Variants in GALNT11 observed in about 807,000 individuals in gnomAD.
GALNT11 encodes polypeptide N-acetylgalactosaminyltransferase 11.
In GALNT11, 47 loss-of-function variants were observed where a neutral mutation model predicts 72.7. The observed-to-expected ratio is 0.65, with a 90% CI of 0.51 to 0.82. GALNT11 has a LOEUF of 0.82. Ranked by LOEUF, GALNT11 falls within the 40% of genes least tolerant of loss-of-function variation. The pLI is 0.00. For missense variants in GALNT11, 677 were observed against 778.4 expected, an observed-to-expected ratio of 0.87 and a Z score of 1.55; for synonymous variants, 270 against 286.6, an observed-to-expected ratio of 0.94 and a Z score of 0.58.
intron 1 of GALNT11, among the ~76,000 whole-genome samples, chr7:152,077,936 A>AT (rs1563059309): frequency 6.6e-6 from 1 of 152,078 alleles, no homozygotes; most frequent in Non-Finnish European, 1.5e-5. Context: ...GAAACTTAAT[A>AT]TAAGGGGGCA....
At chr7:152,066,391 G>A (rs1004757752) in intron 1 of GALNT11, among the ~76,000 whole-genome samples, 1 of 152,216 alleles carries the variant, frequency 6.6e-6, no homozygotes, top group Admixed American at 6.5e-5. Context: ...GTTCCCAGAT[G>A]AGGCGATGCC....
rs1336550413 is a variant in GALNT11, at chr7:152,113,315, C to T, written c.1150C>T (p.Arg384Ter). 3 of 1,613,894 alleles carry T rather than the reference C, an allele frequency of 1.9e-6. No homozygotes were observed. The highest frequency in any genetic ancestry group is 1.1e-5 in the South Asian group (1 of 91,058). Reference sequence around the variant, plus strand: ...AGTAGGACACATTTTCCGAAAAAGGCGACCATATGGATCTCCCGAAGGCCA... The same window carrying T: ...AGTAGGACACATTTTCCGAAAAAGGTGACCATATGGATCTCCCGAAGGCCA... The part of the protein sequence containing the change: ...SRVGHIFRKR[R>*]PYGSPEGQDT... The change falls in exon 8 of 12, where the codon CGA (arginine) becomes TGA (stop). Residue 384 changes from arginine (R) to a stop codon, truncating the protein, a stop_gained. Transcript: ENST00000430044. LOFTEE classifies it high-confidence loss of function.
chr7:152,026,399 T>G (rs929648447), intron 1 of GALNT11, among the ~76,000 whole-genome samples: 3 of 152,136 alleles, frequency 2.0e-5, no homozygotes, highest in African/African-American at 7.2e-5. Context: ...GCTGCAAAGA[T>G]AAAAAGCCAC....
chr7:152,045,663 G>A (rs2083083952), intron 1 of GALNT11, among the ~76,000 whole-genome samples: 1 of 151,266 alleles, frequency 6.6e-6, no homozygotes, highest in African/African-American at 2.4e-5. Context: ...TATTGATTTG[G>A]GGCTTCTCTT....
chr7:152,074,572 C>T (rs146851135), intron 1 of GALNT11, among the ~76,000 whole-genome samples: 26 of 152,266 alleles, frequency 1.7e-4, no homozygotes, highest in African/African-American at 3.4e-4. Context: ...GGGAGCATGA[C>T]GCTTCCAGCT....
At chr7:152,115,871 A>ACATGGAG (rs1331657970) in intron 8 of GALNT11, among the ~76,000 whole-genome samples, 1 of 151,610 alleles carries the variant, frequency 6.6e-6, no homozygotes, top group Non-Finnish European at 1.5e-5. Context: ...AGCCTGACCA[A>ACATGGAG]CATGGAGAAA....
At chr7:152,113,904 T>A (rs1004109475) in intron 8 of GALNT11, among the ~76,000 whole-genome samples, 4 of 135,584 alleles carry the variant, frequency 3.0e-5, no homozygotes, top group African/African-American at 1.3e-4. Context: ...GCCTGGATAA[T>A]TTTTTTTAAA....
intron 1 of GALNT11, among the ~76,000 whole-genome samples, chr7:152,065,363 G>A (rs186198178): frequency 1.3e-5 from 2 of 152,210 alleles, no homozygotes; most frequent in South Asian, 2.1e-4. Flanking sequence ...TTTTTTCAAG[G>A]TTTTTAGCTT....
At chr7:152,091,327 C>G (rs1366972101) in intron 1 of GALNT11, among the ~76,000 whole-genome samples, 1 of 151,182 alleles carries the variant, frequency 6.6e-6, no homozygotes, top group Non-Finnish European at 1.5e-5. Flanking sequence ...TGCAACCTCC[C>G]CCTCCCGGGT....
chr7:152,041,479 T>G (rs1300204879), intron 1 of GALNT11, among the ~76,000 whole-genome samples: 1 of 152,234 alleles, frequency 6.6e-6, no homozygotes, highest in African/African-American at 2.4e-5. Flanking sequence ...GAGTAGTGAC[T>G]TGATCCAAAT....
chr7:152,060,592 A>G (rs867394139), intron 1 of GALNT11, among the ~76,000 whole-genome samples: 15 of 152,092 alleles, frequency 9.9e-5, no homozygotes, highest in African/African-American at 3.4e-4. Flanking sequence ...CGTCATTTAC[A>G]TTAGGTATAT....
At chr7:152,081,392 T>C (rs2085316034) in intron 1 of GALNT11, among the ~76,000 whole-genome samples, 1 of 152,206 alleles carries the variant, frequency 6.6e-6, no homozygotes. Flanking sequence ...CTCAGGCTAA[T>C]CTGATGATGA....
intron 1 of GALNT11, among the ~76,000 whole-genome samples, chr7:152,067,702 T>TA (rs2084388964): frequency 6.6e-6 from 1 of 152,206 alleles, no homozygotes; most frequent in African/African-American, 2.4e-5. Context: ...GGTCCTTTTT[T>TA]ATTGGAGAAT....
At chr7:152,074,943 C>T (rs1407103583) in intron 1 of GALNT11, 1 of 152,130 alleles carries the variant, frequency 6.6e-6, no homozygotes, top group African/African-American at 2.4e-5. Flanking sequence ...AAGTTTTTTT[C>T]CCCTGGAGCA....
At chr7:152,121,510 A>G in intron 11 of GALNT11, 36 bp from the exon 12 acceptor site, 1 of 1,595,172 alleles carries the variant, frequency 6.3e-7, no homozygotes, top group Non-Finnish European at 8.6e-7. Context: ...TTTGCCAGTA[A>G]TTGGCAGTAT....
chr7:152,116,363 G>A (rs978778773), intron 8 of GALNT11, among the ~76,000 whole-genome samples: 3 of 152,080 alleles, frequency 2.0e-5, no homozygotes, highest in African/African-American at 7.2e-5. Context: ...TGATTCTGCA[G>A]CCTCGGCCCC....
chr7:152,069,991 C>CT (rs2084534891), intron 1 of GALNT11, among the ~76,000 whole-genome samples: 1 of 141,112 alleles, frequency 7.1e-6, no homozygotes, highest in African/African-American at 3.0e-5. Context: ...TTTCTTTTTT[C>CT]TTTTTCTTTT....
chr7:152,102,195 T>A (rs188160428), intron 3 of GALNT11, among the ~76,000 whole-genome samples: 1 of 152,112 alleles, frequency 6.6e-6, no homozygotes, highest in Non-Finnish European at 1.5e-5. Flanking sequence ...TAAAAAGAAC[T>A]CACATTTTTA....
chr7:152,033,236 C>T (rs760259532), intron 1 of GALNT11, among the ~76,000 whole-genome samples: 40 of 152,256 alleles, frequency 2.6e-4, no homozygotes, highest in Admixed American at 1.8e-3. Context: ...GCTTGTTTCT[C>T]GTTGGACAAT....
Sources: gnomAD v4.1 joint callset for allele counts (sites outside exome capture counted in the v4.1 genomes callset) on GRCh38, gnomAD v4.1.1 for gene constraint, MANE v1.5 for transcripts, NCBI Gene and HGNC (gene_info 2026-07-23, HGNC 2026-07-21) for gene names.